UNC13A: variants seen among roughly 807,000 people sequenced by gnomAD.
The protein encoded by UNC13A is unc-13 homolog A, also known as protein unc-13 homolog A.
UNC13A carries 61 observed loss-of-function variants against 219.7 expected under a neutral mutation model. The ratio of observed to expected loss-of-function variants is 0.28; its 90% CI spans 0.23 to 0.34. The LOEUF (loss-of-function observed/expected upper bound fraction) is 0.34, where lower values mean the gene tolerates loss of function less well. UNC13A is among the 10% of genes least tolerant of loss of function. The pLI is 1.00. For missense variants in UNC13A, 1,476 were observed against 2,270.3 expected, an observed-to-expected ratio of 0.65 and a Z score of 7.11; for synonymous variants, 920 against 884.6, an observed-to-expected ratio of 1.04 and a Z score of -0.71.
chr19:17,613,336 C>A (rs557118914), intron 41 of UNC13A, among the ~76,000 whole-genome samples: 1 of 152,034 alleles, frequency 6.6e-6, no homozygotes, highest in African/African-American at 2.4e-5. Flanking sequence ...TTAATCCCAG[C>A]TGGTTGAGGC....
chr19:17,663,630 G>A, intron 7 of UNC13A, 63 bp from the exon 8 acceptor site: 2 of 1,536,936 alleles, frequency 1.3e-6, no homozygotes, highest in Non-Finnish European at 1.8e-6. Flanking sequence ...GTAGGAAGGG[G>A]GCTCCCCTGC....
At position 17,611,849 on chromosome 19, in the gene UNC13A, C is replaced by T. The variant is rs562704484; in HGVS notation, c.4565G>A (p.Gly1522Asp). The T allele has an allele frequency of 6.2e-7, 1 of 1,613,946 alleles. No individual in the cohort carries two copies. The highest frequency in any genetic ancestry group is 2.2e-5 in the East Asian group (1 of 44,880). ...GACTTCACCCACAGGGTCTTCTACA[C>T]CCAAGCCTGGGCAGGGCAGGGGAGG... is the stretch of plus-strand genomic sequence containing the variant. ...FVQTQSAQGLGVEDPVGEVSV... is the reference protein window; with the variant it reads ...FVQTQSAQGLDVEDPVGEVSV... The change falls in exon 42 of 44, where the codon GGT (glycine) becomes GAT (aspartate). Residue 1522 changes from glycine to aspartate, a missense_variant. Around this residue, in one of 14 missense-constraint regions of UNC13A, gnomAD observed 77 missense variants for 94.8 expected, o/e 0.81. Coordinates refer to ENST00000519716, the MANE Select transcript of UNC13A (RefSeq NM_001080421.3).
chr19:17,663,604 A>C (rs1381871648), intron 7 of UNC13A, 37 bp from the exon 8 acceptor site: 1 of 1,588,070 alleles, frequency 6.3e-7, no homozygotes, highest in African/African-American at 1.3e-5. Context: ...AAAAGGGAGC[A>C]GACAGAGGGG....
Position 17,648,438 on chromosome 19 carries a change from G to A in UNC13A, c.1809C>T (p.Cys603=). 1 of 1,595,800 alleles carries A rather than the reference G, an allele frequency of 6.3e-7. No individual in the cohort carries two copies. Among genetic ancestry groups the A allele is most frequent in the African/African-American group, 1.3e-5 (1 of 74,806 alleles). ...EKCQDLLNAD[C]LQRAAEKSSK... ...CTCAGGCCCTGCGCTCACGCTGCAG[G>A]CAGTCGGCGTTGAGCAGGTCCTGGC... Residue 603 remains cysteine, a synonymous_variant, in exon 16 of 44, where the codon TGC becomes TGT. Coordinates refer to ENST00000519716, the MANE Select transcript of UNC13A (RefSeq NM_001080421.3).
chr19:17,672,432 G>A lies in UNC13A; in HGVS notation c.216C>T (p.Asp72=). Residue 72 remains aspartate, a synonymous_variant, in exon 4 of 44, where the codon GAC becomes GAT. Transcript: ENST00000519716. ...GGATCCACACAGTGCCCACCATTGT[G>A]TCCCAGATGAGACCCTTATTCCACA... ...VEVWNKGLIW[D]TMVGTVWIPL... 2 of 1,613,854 alleles carry A rather than the reference G, an allele frequency of 1.2e-6. No homozygotes were observed. Among genetic ancestry groups the A allele is most frequent in the Non-Finnish European group, 1.7e-6 (2 of 1,179,868 alleles).
Position 17,604,826 on chromosome 19 carries a change from G to C in UNC13A, c.*1228C>G, listed in dbSNP as rs868560190. The C allele has an allele frequency of 6.6e-6, 1 of 152,226 alleles. No individual in the cohort carries two copies. Among genetic ancestry groups the C allele is most frequent in the Admixed American group, 6.5e-5 (1 of 15,280 alleles). The allele number at this position is 152,226 out of a possible 1,614,324, so 9.4% of individuals were successfully genotyped here. A position where few individuals can be genotyped will look rare whatever the true frequency, so the allele number is the denominator to read the frequency against. ...GTTTGAATCAATGAATAGGCTCTTG[G>C]AGACTAAGCTCTCACTGTGTCACTG... On this transcript the variant is annotated 3_prime_UTR_variant, in exon 44 of 44. Coordinates refer to ENST00000519716, the MANE Select transcript of UNC13A (RefSeq NM_001080421.3).
intron 1 of UNC13A, among the ~76,000 whole-genome samples, chr19:17,686,248 C>A (rs550781852): frequency 6.8e-6 from 1 of 147,998 alleles, no homozygotes; most frequent in East Asian, 2.0e-4. Context: ...CTTAATGCCA[C>A]CCCCGCAGCC....
chr19:17,686,428 C>T (rs1331574309), intron 1 of UNC13A, among the ~76,000 whole-genome samples: 1 of 151,506 alleles, frequency 6.6e-6, no homozygotes, highest in African/African-American at 2.4e-5. Context: ...CAAGAACACC[C>T]ACGTCGGAAC....
At position 17,605,005 on chromosome 19, in the gene UNC13A, TGTG is replaced by T. The variant is rs2076506085; in HGVS notation, c.*1046_*1048del. The T allele has an allele frequency of 1.3e-5, 2 of 152,612 alleles. No homozygotes were observed. Among genetic ancestry groups the T allele is most frequent in the Non-Finnish European group, 1.5e-5 (1 of 68,030 alleles). The allele number at this position is 152,612 out of a possible 1,614,324, so 9.5% of individuals were successfully genotyped here. On this transcript the variant is annotated 3_prime_UTR_variant, in exon 44 of 44. Coordinates refer to ENST00000519716, the MANE Select transcript of UNC13A (RefSeq NM_001080421.3). ...GACCAGGGGATCCCAAATTCTCTTT[TGTG>T]GTGGGAGGCCCTCATGGCATCCCCC... is the stretch of plus-strand genomic sequence containing the variant.
At chr19:17,610,820 G>C (rs986012607) in intron 42 of UNC13A, among the ~76,000 whole-genome samples, 2 of 152,172 alleles carry the variant, frequency 1.3e-5, no homozygotes, top group Non-Finnish European at 2.9e-5. Flanking sequence ...CTTGAGGCCA[G>C]GAGTTTGAGA....
intron 12 of UNC13A, 67 bp downstream of exon 12, chr19:17,652,564 A>AG (rs1282599090): frequency 1.9e-6 from 3 of 1,603,660 alleles, no homozygotes; most frequent in Non-Finnish European, 2.6e-6. Flanking sequence ...GCTGAGGCTC[A>AG]GGCGCAAACC....
Position 17,629,248 on chromosome 19 carries a change from CCTT to C in UNC13A, c.3742_3744del (p.Lys1248del), listed in dbSNP as rs767654324. 1.2e-5 allele frequency: 20 copies of C among 1,609,586 alleles called. No individual in the cohort carries two copies. The highest frequency in any genetic ancestry group is 1.0e-4 in the Admixed American group (6 of 59,512). The stretch of plus-strand genomic sequence containing the variant: ...GGGCCCCCTCAGGTCACCACTTTCT[CCTT>C]CTCCTTGGAGCAGTAGGAGGCAAAG... On this transcript the variant is annotated inframe_deletion, in exon 31 of 44. Coordinates refer to ENST00000519716, the MANE Select transcript of UNC13A (RefSeq NM_001080421.3).
At chr19:17,667,597 C>T (rs1419743118) in intron 6 of UNC13A, among the ~76,000 whole-genome samples, 1 of 151,946 alleles carries the variant, frequency 6.6e-6, no homozygotes, top group Non-Finnish European at 1.5e-5. Context: ...CCTCAGCCTC[C>T]CAAGGAGCTG....
At chr19:17,661,146 C>T (rs1271160216) in intron 8 of UNC13A, among the ~76,000 whole-genome samples, 3 of 149,392 alleles carry the variant, frequency 2.0e-5, no homozygotes, top group African/African-American at 7.5e-5. Flanking sequence ...GCTCTGTTGC[C>T]CAGGCTGATT....
At chr19:17,629,216 A>T in intron 31 of UNC13A, 24 bp downstream of exon 31, 1 of 1,584,714 alleles carries the variant, frequency 6.3e-7, no homozygotes, top group Non-Finnish European at 8.6e-7. Context: ...GGAGGGAGAT[A>T]GGTCAGGGGC....
intron 7 of UNC13A, among the ~76,000 whole-genome samples, chr19:17,665,289 T>C (rs1199523157): frequency 6.6e-6 from 1 of 151,724 alleles, no homozygotes; most frequent in Non-Finnish European, 1.5e-5. Context: ...TGTCAGCAGG[T>C]GGGAGCTCTG....
chr19:17,685,831 G>A (rs112512409), intron 1 of UNC13A, among the ~76,000 whole-genome samples: 1 of 151,984 alleles, frequency 6.6e-6, no homozygotes, highest in Non-Finnish European at 1.5e-5. Flanking sequence ...GGAGGGGAGG[G>A]GGGACAGGTA....
At chr19:17,639,282 C>A in intron 24 of UNC13A, 65 bp from the exon 25 acceptor site, 8 of 1,603,562 alleles carry the variant, frequency 5.0e-6, no homozygotes, top group Non-Finnish European at 6.8e-6. Context: ...GAAGTGACTG[C>A]GAGTCATTTT....
Position 17,674,311 on chromosome 19 carries a change from T to C in UNC13A, c.152+346A>G, listed in dbSNP as rs2079854448. On this transcript the variant is annotated intron_variant, in intron 3 of 43. Coordinates refer to ENST00000519716, the MANE Select transcript of UNC13A (RefSeq NM_001080421.3). This position sits in a 1 kb window ranked among gnomAD's most constrained non-coding sequence, Gnocchi z 5.0. Reference sequence around the variant, plus strand: ...GCTGTGGGTTTTATTGTGAGGTCGATGAGCCACGGACAAGTTTGGAACATG... The same window carrying C: ...GCTGTGGGTTTTATTGTGAGGTCGACGAGCCACGGACAAGTTTGGAACATG... 6.6e-6 allele frequency among the ~76,000 whole-genome samples: 1 copy of C among 152,178 alleles called. No individual in the cohort carries two copies. The highest frequency in any genetic ancestry group is 1.5e-5 in the Non-Finnish European group (1 of 68,030).
Sources: gnomAD v4.1 joint callset for allele counts (sites outside exome capture counted in the v4.1 genomes callset) on GRCh38, gnomAD v4.1.1 for gene constraint, gnomAD v4.1.1 regional missense constraint, Gnocchi (gnomAD v3.1) non-coding constraint, MANE v1.5 for transcripts, NCBI Gene and HGNC (gene_info 2026-07-23, HGNC 2026-07-21) for gene names.